Variants in MARF1 observed in about 807,000 individuals in gnomAD.
The protein encoded by MARF1 is limkain-b1.
A neutral mutation model predicts 168.2 loss-of-function variants in MARF1; 24 were observed. That is an observed-to-expected ratio of 0.14 (90% CI 0.10 to 0.20). MARF1 has a LOEUF of 0.20. Among genes scored for constraint, MARF1 ranks in the 10% least tolerant of loss-of-function variants. MARF1 has a pLI of 1.00. For synonymous variants in MARF1, 868 were observed against 822.4 expected, an observed-to-expected ratio of 1.06 and a Z score of -0.95; for missense variants, 1,744 against 2,143.6, an observed-to-expected ratio of 0.81 and a Z score of 3.68.
intron 5 of MARF1, among the ~76,000 whole-genome samples, chr16:15,632,207 T>C (rs111228694): frequency 1.6e-3 from 247 of 152,312 alleles, no homozygotes; most frequent in African/African-American, 5.6e-3. Context: ...ATATAGGAAG[T>C]GAAATTTGAA....
At chr16:15,635,191 A>G (rs2035501869) in intron 3 of MARF1, 1 of 464,140 alleles carries the variant, frequency 2.2e-6, no homozygotes, top group African/African-American at 2.0e-5. Flanking sequence ...GTCTGCTGCA[A>G]CGAAGACCTC....
Position 15,617,346 on chromosome 16 carries a change from T to C in MARF1, c.2910A>G (p.Glu970=), listed in dbSNP as rs2034137745. The C allele has an allele frequency of 1.2e-6, 2 of 1,614,160 alleles. No homozygotes were observed. Among genetic ancestry groups the C allele is most frequent in the Non-Finnish European group, 8.5e-7 (1 of 1,180,034 alleles). ...NCSPIIFEEL[E]YHEPVCRQHC... is the part of the protein sequence containing the mutation. ...GCTGTCTGCAGACAGGCTCGTGATA[T>C]TCTAACTCTTCAAATATAATTGGGC... The change falls in exon 14 of 27, where the codon GAA becomes GAG. Residue 970 remains glutamate (E), a synonymous_variant. Transcript: ENST00000396368.
In MARF1 at chr16:15,631,049, C is replaced by T. The variant is rs374423084; in HGVS notation, c.1351+332G>A. Among the ~76,000 whole-genome samples the T allele has an allele frequency of 1.4e-4, 21 of 152,188 alleles. No individual in the cohort carries two copies. The East Asian group carries it at 2.7e-3, about 20-fold the overall frequency. On this transcript the variant is annotated intron_variant, in intron 6 of 26. Transcript: ENST00000396368. ...GGAGGCTGAGGCAGAAGAATCACTT[C>T]AACCTGGGAGGCGGAGGTTGCAGTG...
intron 20 of MARF1, among the ~76,000 whole-genome samples, 198 bp downstream of exon 20, chr16:15,609,323 TCC>T (rs778368715): frequency 7.2e-5 from 11 of 152,148 alleles, no homozygotes; most frequent in Non-Finnish European, 1.5e-4. Context: ...GTTTGAATAA[TCC>T]TTTATTGAAG....
intron 16 of MARF1, among the ~76,000 whole-genome samples, chr16:15,614,481 C>CCAAAAA (rs2033877626): frequency 6.3e-5 from 3 of 47,694 alleles, no homozygotes; most frequent in Non-Finnish European, 1.2e-4. Context: ...GACTCCGTCT[C>CCAAAAA]AAAAAAAAAA....
chr16:15,603,981 T>TC (rs1349892502), intron 22 of MARF1, among the ~76,000 whole-genome samples, 187 bp downstream of exon 22: 1 of 152,120 alleles, frequency 6.6e-6, no homozygotes. Context: ...GACCAGGCTT[T>TC]CACTGGCTTC....
chr16:15,620,856 C>T (rs1290263720), intron 12 of MARF1, among the ~76,000 whole-genome samples: 1 of 152,106 alleles, frequency 6.6e-6, no homozygotes, highest in Non-Finnish European at 1.5e-5. Flanking sequence ...ATGTGATTGG[C>T]GTTCCCATAG....
intron 11 of MARF1, among the ~76,000 whole-genome samples, chr16:15,622,505 C>G (rs529423563): frequency 6.6e-6 from 1 of 152,194 alleles, no homozygotes; most frequent in East Asian, 1.9e-4. Flanking sequence ...AATTCTCCTG[C>G]CTTAGCCTCC....
At chr16:15,627,158 C>G (rs1038739538) in intron 7 of MARF1, among the ~76,000 whole-genome samples, 4 of 151,276 alleles carry the variant, frequency 2.6e-5, no homozygotes, top group African/African-American at 4.9e-5. Context: ...TCAAAACCAG[C>G]CTGAGCAACA....
At chr16:15,601,194 A>C in intron 23 of MARF1, 1 of 416,202 alleles carries the variant, frequency 2.4e-6, no homozygotes. Context: ...GGCCCCCTAC[A>C]TGTGCACACC....
At position 15,612,710 on chromosome 16, in the gene MARF1, C is replaced by T; in HGVS notation, c.3321G>A (p.Val1107=). 1.2e-6 allele frequency: 2 copies of T among 1,614,182 alleles called. No individual in the cohort carries two copies. Among genetic ancestry groups the T allele is most frequent in the African/African-American group, 2.7e-5 (2 of 75,034 alleles). ...ATGGCTGGCTTTTCAGCAAGTCAAT[C>T]ACTTCTCTACTGAACTGGATCAGCT... ...NPQLIQFSRE[V]IDLLKSQPSC... Residue 1107 remains valine, a synonymous_variant, in exon 17 of 27, where the codon GTG becomes GTA. Coordinates refer to ENST00000396368, the MANE Select transcript of MARF1 (RefSeq NM_014647.4).
chr16:15,621,548 T>C (rs576745379), intron 12 of MARF1, 185 bp downstream of exon 12: 1 of 616,874 alleles, frequency 1.6e-6, no homozygotes, highest in South Asian at 2.3e-5. Context: ...TATTCCAGCT[T>C]TGATTAATGA....
intron 19 of MARF1, among the ~76,000 whole-genome samples, chr16:15,610,029 T>C (rs534440778): frequency 7.9e-5 from 12 of 152,284 alleles, no homozygotes; most frequent in African/African-American, 2.9e-4. Context: ...CCCTGCCCCA[T>C]ATCTATTAAC....
At chr16:15,639,332 T>C in intron 1 of MARF1, 41 bp from the exon 2 acceptor site, 1 of 1,353,868 alleles carries the variant, frequency 7.4e-7, no homozygotes, top group Non-Finnish European at 1.0e-6. Context: ...TTTCCTTGCA[T>C]AAGTACAAAT....
intron 17 of MARF1, 117 bp downstream of exon 17, chr16:15,612,440 T>G (rs1838300128): frequency 1.1e-6 from 1 of 881,452 alleles, no homozygotes; most frequent in Non-Finnish European, 1.9e-6. Flanking sequence ...AAGTTTTTAG[T>G]GGATGTTCTG....
intron 22 of MARF1, among the ~76,000 whole-genome samples, chr16:15,603,315 C>CT: frequency 6.6e-6 from 1 of 151,880 alleles, no homozygotes; most frequent in Non-Finnish European, 1.5e-5. Context: ...GTAAGCTTTC[C>CT]TTTTTTCTTT....
rs754133461 is a variant in MARF1 at position 15,596,845 on chromosome 16, A to T, written c.5077T>A (p.Ser1693Thr). 6.2e-7 allele frequency: 1 copy of T among 1,614,166 alleles called. No individual in the cohort carries two copies. The highest frequency in any genetic ancestry group is 1.1e-5 in the South Asian group (1 of 91,078). Reference protein sequence around the residue: ...LTSDSSSSCISAAVPVPPCPS... With the variant: ...LTSDSSSSCITAAVPVPPCPS... ...CAGGGAGGCACGGGGACAGCTGCTG[A>T]GATGCAGGACGAGCTGGAGTCAGAG... The change falls in exon 27 of 27, where the codon TCA (serine) becomes ACA (threonine). Residue 1693 changes from serine (S) to threonine (T), a missense_variant. Around this residue, in one of 7 missense-constraint regions of MARF1, gnomAD observed 313 missense variants for 337.4 expected, o/e 0.93. Coordinates refer to ENST00000396368, the MANE Select transcript of MARF1 (RefSeq NM_014647.4).
chr16:15,619,701 C>CCTAA (rs2034311179), intron 13 of MARF1, among the ~76,000 whole-genome samples: 1 of 152,178 alleles, frequency 6.6e-6, no homozygotes, highest in Non-Finnish European at 1.5e-5. Context: ...AAGGACAAGA[C>CCTAA]CTAAGTCTTG....
intron 16 of MARF1, 80 bp from the exon 17 acceptor site, chr16:15,612,857 T>C: frequency 8.4e-7 from 1 of 1,191,608 alleles, no homozygotes; most frequent in South Asian, 1.2e-5. Context: ...CTGCAGTCCC[T>C]GGCTTGAGTT....
Sources: gnomAD v4.1 joint callset for allele counts (sites outside exome capture counted in the v4.1 genomes callset) on GRCh38, gnomAD v4.1.1 for gene constraint, gnomAD v4.1.1 regional missense constraint, MANE v1.5 for transcripts, NCBI Gene and HGNC (gene_info 2026-07-23, HGNC 2026-07-21) for gene names.